Variants in TRIB2 observed in about 807,000 individuals in gnomAD.
TRIB2 encodes the protein tribbles pseudokinase 2.
A neutral mutation model predicts 26.8 loss-of-function variants in TRIB2; 2 were observed. That is an observed-to-expected ratio of 0.07 (90% confidence interval 0.03 to 0.24). The LOEUF (loss-of-function observed/expected upper bound fraction) is 0.24. Ranked by LOEUF, TRIB2 falls within the 10% of genes least tolerant of loss-of-function variation. The probability of loss-of-function intolerance (pLI) is 1.00; values close to 1 mark genes in which losing one functional copy is unlikely to be tolerated. For missense variants in TRIB2, 306 were observed against 449.0 expected (o/e 0.68, Z 2.88); for synonymous variants, 189 against 187.3 (o/e 1.01, Z -0.08).
At chr2:12,724,989 C>A (rs1661307045) in intron 2 of TRIB2, among the ~76,000 whole-genome samples, 1 of 152,166 alleles carries the variant, frequency 6.6e-6, no homozygotes, top group Admixed American at 6.5e-5. Context: ...AAGTTTAATT[C>A]TCTCTCCCTA....
In TRIB2 at chr2:12,717,272, C is replaced by A; in HGVS notation, c.-1036C>A. The A allele has an allele frequency of 2.5e-6, 1 of 398,060 alleles. No homozygotes were observed. The highest frequency in any genetic ancestry group is 3.6e-5 in the East Asian group (1 of 28,046). The allele number at this position is 398,060 out of a possible 1,614,324, so 24.7% of individuals were successfully genotyped here. On this transcript the variant is annotated 5_prime_UTR_variant, in exon 1 of 3. Coordinates refer to ENST00000155926, the MANE Select transcript of TRIB2 (RefSeq NM_021643.4). The surrounding 1 kb of genome is among the most constrained non-coding windows in gnomAD (Gnocchi z 4.8). ...TCCAGGACGAGATCCAGTTCTCCAG[C>A]GGGAAAGGGGCAAAGGAACGCCGCG...
At chr2:12,722,827 T>A (rs1174832990) in intron 1 of TRIB2, among the ~76,000 whole-genome samples, 6 of 152,206 alleles carry the variant, frequency 3.9e-5, no homozygotes, top group Non-Finnish European at 5.9e-5. Context: ...TATGTGCATT[T>A]CTTTTTTTTT....
At chr2:12,734,842 C>G (rs1349721964) in intron 2 of TRIB2, among the ~76,000 whole-genome samples, 1 of 152,154 alleles carries the variant, frequency 6.6e-6, no homozygotes, top group Admixed American at 6.5e-5. Context: ...GCTCCTTTGC[C>G]TGGAAAATTC....
intron 2 of TRIB2, among the ~76,000 whole-genome samples, chr2:12,734,496 G>A (rs1437573262): frequency 6.6e-6 from 1 of 152,084 alleles, no homozygotes; most frequent in Non-Finnish European, 1.5e-5. Context: ...CTTGCATTTC[G>A]TGCTTCCTCA....
intron 2 of TRIB2, among the ~76,000 whole-genome samples, chr2:12,730,973 T>G (rs529706885): frequency 3.3e-5 from 5 of 151,988 alleles, no homozygotes; most frequent in African/African-American, 1.2e-4. Context: ...AATGTTGGAG[T>G]TGGGGAGTCT....
chr2:12,720,209 C>G (rs1165313881), intron 1 of TRIB2, among the ~76,000 whole-genome samples: 2 of 152,342 alleles, frequency 1.3e-5, no homozygotes, highest in East Asian at 3.9e-4. Flanking sequence ...CATTCTTTCT[C>G]CAGATTTTGC....
At chr2:12,739,447 A>G (rs1375368466) in intron 2 of TRIB2, among the ~76,000 whole-genome samples, 1 of 151,752 alleles carries the variant, frequency 6.6e-6, no homozygotes, top group Non-Finnish European at 1.5e-5. Context: ...TTTAGTAGAG[A>G]TGAGGTTTCA....
intron 2 of TRIB2, among the ~76,000 whole-genome samples, chr2:12,726,598 A>C (rs1179119868): frequency 6.6e-6 from 1 of 152,224 alleles, no homozygotes; most frequent in East Asian, 1.9e-4. Context: ...GCAATGGGTT[A>C]AATTTTAAAG....
At chr2:12,724,490 G>A (rs765504084) in intron 2 of TRIB2, 1 of 1,391,920 alleles carries the variant, frequency 7.2e-7, no homozygotes, top group Non-Finnish European at 9.7e-7. Context: ...TCCTGAATGA[G>A]GCCCCACATA....
chr2:12,717,236 T>C lies in TRIB2; in HGVS notation c.-1072T>C, dbSNP rs1225950166. ...CTCGGGGTAGGGGGAGACGGGGTGA[T>C]TGCAAATTATTCCAGGACGAGATCC... On this transcript the variant is annotated 5_prime_UTR_variant, in exon 1 of 3. Transcript: ENST00000155926. This position sits in a 1 kb window ranked among gnomAD's most constrained non-coding sequence, Gnocchi z 4.8. 2 of 396,970 alleles carry C rather than the reference T, an allele frequency of 5.0e-6. No individual in the cohort carries two copies. Among genetic ancestry groups the C allele is most frequent in the Non-Finnish European group, 8.9e-6 (2 of 225,542 alleles). The allele number at this position is 396,970 out of a possible 1,614,324, so 24.6% of individuals were successfully genotyped here. A position where few individuals can be genotyped will look rare whatever the true frequency, so the allele number is the denominator to read the frequency against.
In TRIB2 at chr2:12,718,272, GTTT is replaced by G; in HGVS notation, c.-29_-27del. ...CGCCAGCGACTCATCTCTCCAGCGG[GTTT>G]TTTTTTGTTTGTCGTGTGCGATCCT... On this transcript the variant is annotated 5_prime_UTR_variant, in exon 1 of 3. Coordinates refer to ENST00000155926, the MANE Select transcript of TRIB2 (RefSeq NM_021643.4). This position sits in a 1 kb window ranked among gnomAD's most constrained non-coding sequence, Gnocchi z 4.0. The G allele has an allele frequency of 6.3e-7, 1 of 1,578,668 alleles. No individual in the cohort carries two copies. Among genetic ancestry groups the G allele is most frequent in the East Asian group, 2.3e-5 (1 of 44,102 alleles).
chr2:12,727,421 T>C (rs79474056), intron 2 of TRIB2, among the ~76,000 whole-genome samples: 5,395 of 152,264 alleles, frequency 0.035, 329 homozygotes, highest in African/African-American at 0.12. Flanking sequence ...CCTTGTGACA[T>C]AGGGGTTCAG....
At chr2:12,725,711 GA>G (rs1335421000) in intron 2 of TRIB2, among the ~76,000 whole-genome samples, 1 of 152,206 alleles carries the variant, frequency 6.6e-6, no homozygotes, top group Non-Finnish European at 1.5e-5. Context: ...ATGTGAAACC[GA>G]AACAATTGCC....
intron 2 of TRIB2, among the ~76,000 whole-genome samples, chr2:12,735,700 C>T (rs1661553615): frequency 6.6e-6 from 1 of 152,130 alleles, no homozygotes; most frequent in East Asian, 1.9e-4. Context: ...TTTTCAAGGC[C>T]TGATCTTGAA....
intron 2 of TRIB2, among the ~76,000 whole-genome samples, chr2:12,739,630 T>G (rs1465401101): frequency 6.6e-6 from 1 of 152,172 alleles, no homozygotes; most frequent in Non-Finnish European, 1.5e-5. Context: ...ATTCCCTGCT[T>G]CCTGCCTGGT....
chr2:12,723,627 A>G (rs1341289035), intron 2 of TRIB2, 75 bp downstream of exon 2: 5 of 1,521,832 alleles, frequency 3.3e-6, no homozygotes, highest in African/African-American at 1.4e-5. Context: ...AAAGTCTTGA[A>G]TGGACGTTTT....
intron 2 of TRIB2, among the ~76,000 whole-genome samples, chr2:12,731,041 G>A (rs1317444597): frequency 6.6e-6 from 1 of 152,270 alleles, no homozygotes; most frequent in Admixed American, 6.5e-5. Context: ...TCTGTCCTAC[G>A]GTGCTAGGTG....
intron 2 of TRIB2, among the ~76,000 whole-genome samples, chr2:12,731,187 G>T (rs1398321665): frequency 6.6e-6 from 1 of 152,186 alleles, no homozygotes; most frequent in African/African-American, 2.4e-5. Flanking sequence ...CCTCCGGGAG[G>T]TGATGACCTC....
rs144421263 is a variant in TRIB2 at position 12,718,503 on chromosome 2, T to C, written c.196T>C (p.Leu66=). 4.0e-4 allele frequency: 644 copies of C among 1,614,180 alleles called. No individual in the cohort carries two copies. Among genetic ancestry groups the C allele is most frequent in the Non-Finnish European group, 5.1e-4 (602 of 1,180,030 alleles). ...HCVSCIGKYL[L]LEPLEGDHVF... ...CGTTTCTTGTATCGGGAAATACTTATTGTTGGAACCTCTGGAGGGAGACCA... is the reference window on the plus strand; with the variant it reads ...CGTTTCTTGTATCGGGAAATACTTACTGTTGGAACCTCTGGAGGGAGACCA... Residue 66 remains leucine, a synonymous_variant, in exon 1 of 3, where the codon TTG becomes CTG. Transcript: ENST00000155926. The surrounding 1 kb of genome is among the most constrained non-coding windows in gnomAD (Gnocchi z 4.0).
Sources: gnomAD v4.1 joint callset for allele counts (sites outside exome capture counted in the v4.1 genomes callset) on GRCh38, gnomAD v4.1.1 for gene constraint, Gnocchi (gnomAD v3.1) non-coding constraint, MANE v1.5 for transcripts, NCBI Gene and HGNC (gene_info 2026-07-23, HGNC 2026-07-21) for gene names.